The following GPBP1 variants were observed in gnomAD, a reference collection of about 807,000 sequenced individuals.
GPBP1 encodes the protein vasculin.
GPBP1 carries 13 observed loss-of-function variants against 56.5 expected under a neutral mutation model. The ratio of observed to expected loss-of-function variants is 0.23; its 90% CI spans 0.15 to 0.37. The LOEUF (loss-of-function observed/expected upper bound fraction) is 0.37, where lower values mean the gene tolerates loss of function less well. GPBP1 is among the 10% of genes least tolerant of loss of function. The pLI, the probability that GPBP1 is intolerant of heterozygous loss-of-function variation, is 1.00. For synonymous variants in GPBP1, 204 were observed against 188.9 expected, an observed-to-expected ratio of 1.08 and a Z score of -0.66; for missense variants, 477 against 572.3, an observed-to-expected ratio of 0.83 and a Z score of 1.70.
chr5:57,260,868 C>T (rs1741866556), intron 10 of GPBP1, among the ~76,000 whole-genome samples: 1 of 152,066 alleles, frequency 6.6e-6, no homozygotes, highest in Non-Finnish European at 1.5e-5. Flanking sequence ...AGTGATATTG[C>T]TGTTACTTTT....
intron 6 of GPBP1, 67 bp from the exon 7 acceptor site, chr5:57,246,233 T>G: frequency 7.7e-7 from 1 of 1,294,458 alleles, no homozygotes; most frequent in Non-Finnish European, 1.1e-6. Context: ...ACTGTTCTTT[T>G]GGTGGTTTTA....
chr5:57,219,699 A>C (rs1462116342), intron 3 of GPBP1, among the ~76,000 whole-genome samples: 2 of 152,224 alleles, frequency 1.3e-5, no homozygotes, highest in Non-Finnish European at 2.9e-5. Flanking sequence ...TCTGAAATAA[A>C]TGTAAGACTT....
chr5:57,221,462 G>C, intron 3 of GPBP1: 1 of 954,462 alleles, frequency 1.0e-6, no homozygotes, highest in Non-Finnish European at 1.6e-6. Flanking sequence ...AATTCCATTT[G>C]TTATGCTAGG....
At chr5:57,233,044 G>A (rs1223122098) in intron 5 of GPBP1, among the ~76,000 whole-genome samples, 1 of 152,196 alleles carries the variant, frequency 6.6e-6, no homozygotes, top group Non-Finnish European at 1.5e-5. Flanking sequence ...CAAGGTGAAT[G>A]AGAAGCTGGT....
chr5:57,221,948 A>G (rs1755973931), intron 3 of GPBP1, among the ~76,000 whole-genome samples: 1 of 151,952 alleles, frequency 6.6e-6, no homozygotes, highest in Admixed American at 6.6e-5. Context: ...TACTGTGTAG[A>G]TTTTTTGGTT....
In GPBP1 at chr5:57,262,657, T is replaced by A; in HGVS notation, c.1327T>A (p.Phe443Ile). ...LKNGLICDFK[F>I]GPWKNSTFKP... ...AAATGGCTTGATCTGTGACTTCAAGTTTGGACCGTGGAAGAACAGCACTTT... is the reference window on the plus strand; with the variant it reads ...AAATGGCTTGATCTGTGACTTCAAGATTGGACCGTGGAAGAACAGCACTTT... The change falls in exon 12 of 12, where the codon TTT (phenylalanine) becomes ATT (isoleucine). Residue 443 changes from phenylalanine to isoleucine, a missense_variant. Coordinates refer to ENST00000506184, the MANE Select transcript of GPBP1 (RefSeq NM_022913.4). 1 of 1,613,780 alleles carries A rather than the reference T, an allele frequency of 6.2e-7. No individual in the cohort carries two copies. Among genetic ancestry groups the A allele is most frequent in the Admixed American group, 1.7e-5 (1 of 60,008 alleles).
intron 6 of GPBP1, among the ~76,000 whole-genome samples, chr5:57,244,727 ATTTTTTTTTT>A (rs532660984): frequency 1.6e-4 from 15 of 93,156 alleles, no homozygotes; most frequent in East Asian, 6.8e-4. Flanking sequence ...TTTGTTTGAG[ATTTTTTTTTT>A]TTTTTTTTTT....
intron 4 of GPBP1, 53 bp from the exon 5 acceptor site, chr5:57,231,044 AT>A: frequency 6.3e-7 from 1 of 1,585,266 alleles, no homozygotes; most frequent in Non-Finnish European, 8.6e-7. Context: ...ATGTGATTCA[AT>A]CTTTAAGCTT....
intron 6 of GPBP1, among the ~76,000 whole-genome samples, chr5:57,242,498 T>C (rs1018102137): frequency 2.6e-5 from 4 of 152,190 alleles, no homozygotes; most frequent in African/African-American, 9.7e-5. Flanking sequence ...ATGTGAATTC[T>C]TTTTGCAGTT....
intron 9 of GPBP1, 85 bp from the exon 10 acceptor site, chr5:57,250,869 C>G (rs930885117): frequency 4.4e-6 from 4 of 902,712 alleles, no homozygotes; most frequent in Non-Finnish European, 6.6e-6. Flanking sequence ...TCAATGGAAG[C>G]TTAGTTAGGA....
rs1022997899 is a variant in GPBP1 at position 57,177,226 on chromosome 5, G to A, written c.-58+826G>A. On this transcript the variant is annotated intron_variant, in intron 2 of 11. Coordinates refer to ENST00000506184, the MANE Select transcript of GPBP1 (RefSeq NM_022913.4). ...TGCTATAATAGAAATTGTTTTGACA[G>A]GTGAGAGAGTTATCGTTTAATGTTT... Among the ~76,000 whole-genome samples the A allele has an allele frequency of 4.6e-5, 7 of 152,078 alleles. 1 individual carries two copies. The highest frequency in any genetic ancestry group is 7.4e-5 in the Non-Finnish European group (5 of 68,012).
intron 3 of GPBP1, among the ~76,000 whole-genome samples, chr5:57,220,162 A>T (rs1048119973): frequency 2.0e-5 from 3 of 149,834 alleles, no homozygotes; most frequent in East Asian, 1.9e-4. Flanking sequence ...TTAAAAAATT[A>T]AAAAAAAAAT....
intron 2 of GPBP1, among the ~76,000 whole-genome samples, chr5:57,197,612 G>C (rs747157229): frequency 3.9e-5 from 6 of 152,172 alleles, no homozygotes; most frequent in Non-Finnish European, 5.9e-5. Flanking sequence ...ACCCACGTCA[G>C]CCTCTCAAAG....
intron 6 of GPBP1, among the ~76,000 whole-genome samples, chr5:57,238,252 C>CAGTTG (rs1740631248): frequency 6.6e-6 from 1 of 152,104 alleles, no homozygotes; most frequent in Non-Finnish European, 1.5e-5. Context: ...TGTTAGTGTG[C>CAGTTG]AGTTGAGTTG....
At chr5:57,243,316 C>T (rs1470399997) in intron 6 of GPBP1, among the ~76,000 whole-genome samples, 4 of 152,120 alleles carry the variant, frequency 2.6e-5, no homozygotes, top group African/African-American at 9.7e-5. Context: ...CCACCTGCCT[C>T]GGCTTCCCAA....
intron 6 of GPBP1, among the ~76,000 whole-genome samples, chr5:57,243,686 T>G (rs1285196735): frequency 6.6e-6 from 1 of 150,756 alleles, no homozygotes; most frequent in Non-Finnish European, 1.5e-5. Flanking sequence ...TCATGTCTTC[T>G]GCTTCCTTGT....
chr5:57,233,436 A>C, intron 5 of GPBP1, among the ~76,000 whole-genome samples: 1 of 152,162 alleles, frequency 6.6e-6, no homozygotes, highest in East Asian at 1.9e-4. Context: ...GGTTAGTGGT[A>C]CTGATCCCCC....
At position 57,263,173 on chromosome 5, in the gene GPBP1, A is replaced by G. The variant is rs189715376; in HGVS notation, c.*421A>G. The G allele has an allele frequency of 6.5e-6, 1 of 153,458 alleles. No individual in the cohort carries two copies. Among genetic ancestry groups the G allele is most frequent in the East Asian group, 1.9e-4 (1 of 5,204 alleles). 9.5% of individuals were successfully genotyped at this position (153,458 alleles called of 1,614,324 possible). ...AGTCATATCTTTTTCGTACAATGGA[A>G]ATCCTCAAGTCCACTTTGTGCGGTC... On this transcript the variant is annotated 3_prime_UTR_variant, in exon 12 of 12. Transcript: ENST00000506184.
intron 2 of GPBP1, among the ~76,000 whole-genome samples, chr5:57,195,526 A>G (rs1353826476): frequency 6.6e-6 from 1 of 152,058 alleles, no homozygotes; most frequent in Non-Finnish European, 1.5e-5. Context: ...TATAAAGCCT[A>G]TTTTGTTGTA....
Sources: allele counts gnomAD v4.1 joint callset (sites outside exome capture counted in the v4.1 genomes callset), GRCh38; gene constraint gnomAD v4.1.1; transcripts MANE v1.5; gene names NCBI Gene and HGNC (gene_info 2026-07-23, HGNC 2026-07-21).